PLBD1: variants seen among roughly 807,000 people sequenced by gnomAD.
PLBD1 encodes phospholipase B domain containing 1.
In PLBD1, 60 loss-of-function variants were observed where a neutral mutation model predicts 63.0. The ratio of observed to expected loss-of-function variants is 0.95; its 90% CI spans 0.77 to 1.18. The LOEUF (loss-of-function observed/expected upper bound fraction) is 1.18. PLBD1 is among the 50% of genes most tolerant of loss of function. The pLI is 0.00. For missense variants in PLBD1, 598 were observed against 677.9 expected, an observed-to-expected ratio of 0.88 and a Z score of 1.31; for synonymous variants, 262 against 248.0, an observed-to-expected ratio of 1.06 and a Z score of -0.53.
At chr12:14,525,705 ACACAC>A (rs989628897) in intron 6 of PLBD1, among the ~76,000 whole-genome samples, 5 of 95,270 alleles carry the variant, frequency 5.2e-5, no homozygotes, top group African/African-American at 2.2e-4. Context: ...ACACACACAC[ACACAC>A]ACACGCACAC....
intron 2 of PLBD1, among the ~76,000 whole-genome samples, chr12:14,543,995 T>A (rs1420272172): frequency 1.7e-5 from 2 of 114,574 alleles, no homozygotes; most frequent in Non-Finnish European, 4.0e-5. Context: ...ACTTTTAAGA[T>A]AATATCTTGG....
intron 3 of PLBD1, 53 bp downstream of exon 3, chr12:14,542,154 AT>A: frequency 7.0e-7 from 1 of 1,436,716 alleles, no homozygotes; most frequent in Non-Finnish European, 9.8e-7. Flanking sequence ...GAAATTACAG[AT>A]TCAGTGCCTC....
chr12:14,525,438 C>G (rs1309607386), intron 6 of PLBD1, among the ~76,000 whole-genome samples: 2 of 151,872 alleles, frequency 1.3e-5, no homozygotes, highest in African/African-American at 4.8e-5. Flanking sequence ...GGATAAATGA[C>G]TGGAGTCCCA....
chr12:14,529,709 G>C (rs1298668271), intron 6 of PLBD1, among the ~76,000 whole-genome samples: 1 of 152,088 alleles, frequency 6.6e-6, no homozygotes, highest in African/African-American at 2.4e-5. Flanking sequence ...CCTAGGTCAG[G>C]AATTGGGCAA....
At position 14,540,622 on chromosome 12, in the gene PLBD1, A is replaced by C. The variant is rs1411535033; in HGVS notation, c.558+142T>G. 7.9e-6 allele frequency: 7 copies of C among 888,592 alleles called. No homozygotes were observed. The Admixed American group carries it at 2.1e-4, about 26-fold the overall frequency. The allele number at this position is 888,592 out of a possible 1,614,324, so 55.0% of individuals were successfully genotyped here. A position where few individuals can be genotyped will look rare whatever the true frequency, so the allele number is the denominator to read the frequency against. On this transcript the variant is annotated intron_variant, in intron 4 of 10. Transcript: ENST00000240617. ...TGTAAGTTAGGTGCTGCAATATGAG[A>C]GCTATGACAGTTCTTTTCCGTAAGG... is the stretch of plus-strand genomic sequence containing the variant.
chr12:14,537,088 CAAAAAA>C lies in PLBD1; in HGVS notation c.559-384_559-379del, dbSNP rs371859037. On this transcript the variant is annotated intron_variant, in intron 4 of 10. Transcript: ENST00000240617. ...TGGGCAACAGAGCGAGACCGCATCTCAAAAAAAAAAAAAAAAAAAAAGTTATTTATT... is the reference window on the plus strand; with the variant it reads ...TGGGCAACAGAGCGAGACCGCATCTCAAAAAAAAAAAAAAAGTTATTTATT... Among the ~76,000 whole-genome samples, 375 of 53,424 alleles carry C rather than the reference CAAAAAA, an allele frequency of 7.0e-3. 3 individuals carry two copies. Among genetic ancestry groups the C allele is most frequent in the African/African-American group, 0.022 (359 of 16,084 alleles). The allele number at this position is 53,424 out of a possible 152,430, so 35.0% of individuals were successfully genotyped here.
intron 6 of PLBD1, among the ~76,000 whole-genome samples, chr12:14,515,062 TA>T (rs1007454231): frequency 5.9e-5 from 9 of 151,754 alleles, no homozygotes; most frequent in Non-Finnish European, 1.3e-4. Context: ...TTTCAAGACT[TA>T]AAAAAAACAC....
chr12:14,552,828 G>A (rs1231853169), intron 2 of PLBD1, among the ~76,000 whole-genome samples: 2 of 152,198 alleles, frequency 1.3e-5, no homozygotes, highest in Non-Finnish European at 2.9e-5. Context: ...GCCACACTTG[G>A]AGGTTTTGTT....
intron 6 of PLBD1, among the ~76,000 whole-genome samples, chr12:14,515,013 T>A (rs2136907916): frequency 6.6e-6 from 1 of 152,140 alleles, no homozygotes; most frequent in East Asian, 1.9e-4. Flanking sequence ...TGAATTTAAT[T>A]AAGAAATAAA....
chr12:14,518,013 T>C (rs530928020), intron 6 of PLBD1, among the ~76,000 whole-genome samples: 4 of 152,196 alleles, frequency 2.6e-5, no homozygotes, highest in African/African-American at 9.6e-5. Context: ...AAACCGCGTC[T>C]CTACTAAAAA....
chr12:14,540,110 T>TATATATATATATATATATATA (rs1565577674), intron 4 of PLBD1, among the ~76,000 whole-genome samples: 15 of 91,780 alleles, frequency 1.6e-4, no homozygotes, highest in Non-Finnish European at 2.0e-4. Flanking sequence ...TAAATATTAT[T>TATATATATATATATATATATA]TATATATATA....
intron 6 of PLBD1, among the ~76,000 whole-genome samples, chr12:14,526,727 C>A (rs1319968907): frequency 1.3e-5 from 2 of 152,104 alleles, no homozygotes; most frequent in African/African-American, 2.4e-5. Context: ...AATCCCAGCA[C>A]TTTGGGAGGC....
At chr12:14,534,879 A>C (rs1592002025) in intron 6 of PLBD1, among the ~76,000 whole-genome samples, 1 of 151,546 alleles carries the variant, frequency 6.6e-6, no homozygotes, top group Non-Finnish European at 1.5e-5. Flanking sequence ...CATTTACCTC[A>C]CCTGCCTATT....
chr12:14,535,816 T>A lies in PLBD1; in HGVS notation c.700-13A>T, dbSNP rs1165844990. 6.2e-7 allele frequency: 1 copy of A among 1,612,812 alleles called. No homozygotes were observed. Among genetic ancestry groups the A allele is most frequent in the Non-Finnish European group, 8.5e-7 (1 of 1,179,476 alleles). On this transcript the variant is annotated splice_polypyrimidine_tract_variant and intron_variant, in intron 5 of 10. Transcript: ENST00000240617. ...ATCCAGGAAGAACCTACAGCCAGAATCATAGTGGATTACACAGATGTACAT... is the reference window on the plus strand; with the variant it reads ...ATCCAGGAAGAACCTACAGCCAGAAACATAGTGGATTACACAGATGTACAT...
chr12:14,526,589 T>G (rs1318430999), intron 6 of PLBD1, among the ~76,000 whole-genome samples: 4 of 152,216 alleles, frequency 2.6e-5, no homozygotes, highest in Non-Finnish European at 4.4e-5. Context: ...GTATACTGTA[T>G]GTATGCATTG....
intron 6 of PLBD1, among the ~76,000 whole-genome samples, chr12:14,516,716 G>A (rs936302650): frequency 2.6e-5 from 4 of 152,082 alleles, no homozygotes; most frequent in South Asian, 2.1e-4. Context: ...CAGCCTTATG[G>A]GGATCATCAT....
At chr12:14,540,013 C>CTTAA (rs1555147086) in intron 4 of PLBD1, among the ~76,000 whole-genome samples, 1 of 22,780 alleles carries the variant, frequency 4.4e-5, no homozygotes, top group African/African-American at 9.8e-5. Context: ...AAGCTATGCA[C>CTTAA]ATATATATAT....
At chr12:14,526,383 C>T (rs1945415696) in intron 6 of PLBD1, among the ~76,000 whole-genome samples, 1 of 151,618 alleles carries the variant, frequency 6.6e-6, no homozygotes, top group South Asian at 2.1e-4. Context: ...TTAATTGCTA[C>T]ATTAAAAACA....
chr12:14,551,276 T>G (rs1945657295), intron 2 of PLBD1, among the ~76,000 whole-genome samples: 2 of 151,920 alleles, frequency 1.3e-5, no homozygotes, highest in South Asian at 4.2e-4. Flanking sequence ...AGCTCAAGAA[T>G]TGCTTGAATC....
Sources: allele counts gnomAD v4.1 joint callset (sites outside exome capture counted in the v4.1 genomes callset), GRCh38; gene constraint gnomAD v4.1.1; transcripts MANE v1.5; gene names NCBI Gene and HGNC (gene_info 2026-07-23, HGNC 2026-07-21).